KAZN: variants seen among roughly 807,000 people sequenced by gnomAD.
KAZN encodes kazrin.
Under a neutral mutation model 87.4 loss-of-function variants are expected in KAZN, and 40 were observed. The ratio of observed to expected loss-of-function variants is 0.46; its 90% CI spans 0.36 to 0.60. KAZN has a LOEUF of 0.60. Among genes scored for constraint, KAZN ranks in the 20% least tolerant of loss-of-function variants. The pLI, the probability that KAZN is intolerant of heterozygous loss-of-function variation, is 0.00. For synonymous variants in KAZN, 466 were observed against 458.3 expected (o/e 1.02, Z -0.22); for missense variants, 898 against 1,073.9 (o/e 0.84, Z 2.29).
intron 2 of KAZN, among the ~76,000 whole-genome samples, chr1:14,559,858 C>T (rs1674149411): frequency 6.6e-6 from 1 of 152,158 alleles, no homozygotes; most frequent in Non-Finnish European, 1.5e-5. Context: ...CCTCTGTTTC[C>T]TTACAAACAA....
chr1:14,689,199 C>CAAAACAA (rs1249599232), intron 1 of KAZN, among the ~76,000 whole-genome samples: 2 of 33,616 alleles, frequency 5.9e-5, no homozygotes, highest in African/African-American at 2.6e-4. Context: ...TGTCTCAAAA[C>CAAAACAA]AAAACAAAAC....
At chr1:14,150,676 G>A (rs1168713884) in intron 1 of KAZN, among the ~76,000 whole-genome samples, 1 of 152,142 alleles carries the variant, frequency 6.6e-6, no homozygotes. Context: ...TCCATGCCTG[G>A]AAAGAGACGA....
At chr1:13,965,304 C>T (rs990121429) in intron 1 of KAZN, among the ~76,000 whole-genome samples, 10 of 152,102 alleles carry the variant, frequency 6.6e-5, no homozygotes, top group Non-Finnish European at 1.0e-4. Context: ...GATGGTGACT[C>T]ACGCCCTGGG....
chr1:14,523,386 G>A (rs541019614), intron 2 of KAZN, among the ~76,000 whole-genome samples: 5 of 148,460 alleles, frequency 3.4e-5, no homozygotes, highest in Non-Finnish European at 7.4e-5. Context: ...GCTGTCCAGT[G>A]GGCAGCTCCA....
At chr1:14,489,135 G>A (rs1400039448) in intron 2 of KAZN, among the ~76,000 whole-genome samples, 1 of 151,982 alleles carries the variant, frequency 6.6e-6, no homozygotes, top group Non-Finnish European at 1.5e-5. Context: ...TAATCTTGGG[G>A]TTTCTTATGA....
intron 2 of KAZN, among the ~76,000 whole-genome samples, chr1:14,471,956 A>G (rs1668479542): frequency 6.6e-6 from 1 of 152,200 alleles, no homozygotes; most frequent in South Asian, 2.1e-4. Context: ...TTGAGTGGGT[A>G]ATTTACAATA....
At chr1:14,320,453 A>G (rs1005031647) in intron 2 of KAZN, among the ~76,000 whole-genome samples, 4 of 152,120 alleles carry the variant, frequency 2.6e-5, no homozygotes, top group Non-Finnish European at 1.5e-5. Context: ...TGTTAGGCTT[A>G]TCTCTAACTG....
At chr1:14,420,801 C>T (rs573274195) in intron 2 of KAZN, among the ~76,000 whole-genome samples, 2 of 151,938 alleles carry the variant, frequency 1.3e-5, no homozygotes, top group South Asian at 2.1e-4. Context: ...CTCCCGAGTG[C>T]GGGGCCCACC....
At chr1:13,904,239 AG>A (rs535667706) in intron 1 of KAZN, among the ~76,000 whole-genome samples, 138 of 152,306 alleles carry the variant, frequency 9.1e-4, no homozygotes, top group Non-Finnish European at 1.7e-3. Context: ...CTCAGCACAG[AG>A]GAAATAGCCA....
chr1:14,283,788 A>G (rs1653031601), intron 2 of KAZN, among the ~76,000 whole-genome samples: 1 of 152,206 alleles, frequency 6.6e-6, no homozygotes, highest in African/African-American at 2.4e-5. Context: ...ATATACAGGT[A>G]TGAAAACCTG....
intron 8 of KAZN, among the ~76,000 whole-genome samples, chr1:15,068,765 A>G (rs1304978952): frequency 6.6e-6 from 1 of 152,042 alleles, no homozygotes; most frequent in Non-Finnish European, 1.5e-5. Flanking sequence ...AAAGCCTGAC[A>G]TAGTCAGTAC....
Position 14,820,564 on chromosome 1 carries a change from G to T in KAZN, c.227-140120G>T, listed in dbSNP as rs541989470. 6.6e-6 allele frequency among the ~76,000 whole-genome samples: 1 copy of T among 152,250 alleles called. No individual in the cohort carries two copies. ...CAGAACAAACTGCATGGAATGTCAC[G>T]TGGGGTTTTCCACTCTCGCCCACAG... On this transcript the variant is annotated intron_variant, in intron 1 of 14. Coordinates refer to ENST00000376030, the MANE Select transcript of KAZN (RefSeq NM_201628.3). The surrounding 1 kb of genome is among the most constrained non-coding windows in gnomAD (Gnocchi z 4.1).
intron 2 of KAZN, among the ~76,000 whole-genome samples, chr1:14,980,480 G>A (rs1666125400): frequency 6.6e-6 from 1 of 152,134 alleles, no homozygotes; most frequent in Non-Finnish European, 1.5e-5. Flanking sequence ...CTACGCGCAG[G>A]TGACCATGAG....
chr1:14,886,471 G>C (rs113248034), intron 1 of KAZN, among the ~76,000 whole-genome samples: 3,571 of 150,930 alleles, frequency 0.024, 117 homozygotes, highest in African/African-American at 0.083. Flanking sequence ...CACAGAGAGA[G>C]ACAGAGAGAG....
chr1:13,907,741 T>C (rs1317296430), intron 1 of KAZN, among the ~76,000 whole-genome samples: 1 of 152,216 alleles, frequency 6.6e-6, no homozygotes, highest in Non-Finnish European at 1.5e-5. Context: ...TGAATTAGTC[T>C]GGCAACCTTC....
At chr1:14,739,576 G>A (rs1292657906) in intron 1 of KAZN, among the ~76,000 whole-genome samples, 2 of 152,054 alleles carry the variant, frequency 1.3e-5, no homozygotes, top group South Asian at 4.2e-4. Context: ...CTCAGGCTAG[G>A]CTGATGAAGG....
intron 2 of KAZN, among the ~76,000 whole-genome samples, chr1:14,985,546 A>G (rs1666720455): frequency 6.6e-6 from 1 of 151,858 alleles, no homozygotes; most frequent in African/African-American, 2.4e-5. Flanking sequence ...AAATAAATAA[A>G]CAAACAAAGA....
At chr1:14,609,106 G>A (rs1248729062) in intron 1 of KAZN, among the ~76,000 whole-genome samples, 3 of 152,280 alleles carry the variant, frequency 2.0e-5, no homozygotes, top group East Asian at 1.9e-4. Context: ...GGAATTATAT[G>A]TGTATTGATT....
At position 15,077,885 on chromosome 1, in the gene KAZN, A is replaced by G. The variant is rs1573261261; in HGVS notation, c.1222+12132A>G. 1.3e-5 allele frequency among the ~76,000 whole-genome samples: 2 copies of G among 152,270 alleles called. No individual in the cohort carries two copies. Among genetic ancestry groups the G allele is most frequent in the South Asian group, 2.1e-4 (1 of 4,826 alleles). On this transcript the variant is annotated intron_variant, in intron 8 of 14. Transcript: ENST00000376030. This position sits in a 1 kb window ranked among gnomAD's most constrained non-coding sequence, Gnocchi z 4.8. ...AGGAAAGCTAATATGACTTGCTGAC[A>G]TTTACTAAGTGCCTACTGTGCCAGG...
Sources: gnomAD v4.1 joint callset for allele counts (sites outside exome capture counted in the v4.1 genomes callset) on GRCh38, gnomAD v4.1.1 for gene constraint, Gnocchi (gnomAD v3.1) non-coding constraint, MANE v1.5 for transcripts, NCBI Gene and HGNC (gene_info 2026-07-23, HGNC 2026-07-21) for gene names.